The following DPP9 variants were observed in gnomAD, a reference collection of about 807,000 sequenced individuals.
DPP9 encodes the protein dipeptidyl peptidase IV-related protein-2.
A neutral mutation model predicts 110.7 loss-of-function variants in DPP9; 50 were observed. The ratio of observed to expected loss-of-function variants is 0.45; its 90% CI spans 0.36 to 0.57. DPP9 has a LOEUF of 0.57. DPP9 is among the 20% of genes least tolerant of loss of function. The pLI is 0.00. For missense variants in DPP9, 1,022 were observed against 1,217.9 expected, an observed-to-expected ratio of 0.84 and a Z score of 2.39; for synonymous variants, 561 against 514.4, an observed-to-expected ratio of 1.09 and a Z score of -1.23.
intron 4 of DPP9, among the ~76,000 whole-genome samples, chr19:4,708,000 T>A (rs946640083): frequency 6.6e-6 from 1 of 152,146 alleles, no homozygotes; most frequent in Non-Finnish European, 1.5e-5. Flanking sequence ...ATTAGTAATA[T>A]CTGTGCCATT....
chr19:4,679,410 A>G, intron 21 of DPP9: 1 of 215,422 alleles, frequency 4.6e-6, no homozygotes. Context: ...AGCACCCTTC[A>G]CTGCTGCCTC....
intron 3 of DPP9, chr19:4,719,431 G>A (rs2109069): frequency 0.27 from 45,611 of 168,646 alleles, 6,524 homozygotes; most frequent in Non-Finnish European, 0.31. Context: ...GGGGAGTGGA[G>A]CCCCAGTCTC....
In DPP9 at chr19:4,704,014, G is replaced by A. The variant is rs2092446218; in HGVS notation, c.641C>T (p.Ser214Leu). The change falls in exon 7 of 22, where the codon TCA becomes TTA. Residue 214 changes from serine to leucine, a missense_variant. By Grantham distance (145) the Ser-to-Leu change is moderately radical (BLOSUM62 -2). Around this residue, in one of 3 missense-constraint regions of DPP9, gnomAD observed 810 missense variants for 920.6 expected, o/e 0.88. Coordinates refer to ENST00000262960, the MANE Select transcript of DPP9 (RefSeq NM_139159.5). The surrounding 1 kb of genome is among the most constrained non-coding windows in gnomAD (Gnocchi z 6.0). ...MKPLEIKTQC[S>L]GPRMDPKICP... The stretch of plus-strand genomic sequence containing the variant: ...GATTTTGGGGTCCATCCGGGGCCCT[G>A]AGCACTGGGTCTTGATTTCCAGCGG... 5 of 1,614,024 alleles carry A rather than the reference G, an allele frequency of 3.1e-6. No homozygotes were observed. In the East Asian group the frequency reaches 8.9e-5, roughly 29 times the overall value.
At position 4,703,913 on chromosome 19, in the gene DPP9, C is replaced by T. The variant is rs748594482; in HGVS notation, c.742G>A (p.Glu248Lys). The change falls in exon 7 of 22, where the codon GAG (glutamate) becomes AAG (lysine). Residue 248 changes from glutamate to lysine, a missense_variant. Around this residue, in one of 3 missense-constraint regions of DPP9, gnomAD observed 810 missense variants for 920.6 expected, o/e 0.88. Transcript: ENST00000262960. ...TGGTGGCAGAAGGTCAGCCGCCGCT[C>T]CTCGCCTGTCTCGATGTTGGCCACC... ...LWVANIETGE[E>K]RRLTFCHQGL... 1 of 1,610,834 alleles carries T rather than the reference C, an allele frequency of 6.2e-7. No individual in the cohort carries two copies. Among genetic ancestry groups the T allele is most frequent in the Non-Finnish European group, 8.5e-7 (1 of 1,178,666 alleles).
chr19:4,696,335 C>T (rs985132632), intron 11 of DPP9, among the ~76,000 whole-genome samples: 1 of 152,080 alleles, frequency 6.6e-6, no homozygotes, highest in African/African-American at 2.4e-5. Context: ...AAAATACTAA[C>T]TAGAGTGGGT....
chr19:4,679,108 C>A (rs536221193), intron 21 of DPP9, among the ~76,000 whole-genome samples: 1 of 151,548 alleles, frequency 6.6e-6, no homozygotes, highest in African/African-American at 2.4e-5. Context: ...CCCTCCTCAC[C>A]GCTGAGGCGC....
At chr19:4,702,255 A>T in intron 8 of DPP9, 100 bp from the exon 9 acceptor site, 1 of 1,442,600 alleles carries the variant, frequency 6.9e-7, no homozygotes, top group Non-Finnish European at 9.2e-7. Flanking sequence ...GAAGATGGGC[A>T]CCGAGGGCTC....
Position 4,714,323 on chromosome 19 carries a change from G to A in DPP9, c.71C>T (p.Ser24Phe). The change falls in exon 4 of 22, where the codon TCC becomes TTC. Residue 24 changes from serine to phenylalanine, a missense_variant. Ser to Phe is a radical substitution (Grantham distance 155). Coordinates refer to ENST00000262960, the MANE Select transcript of DPP9 (RefSeq NM_139159.5). ...GGTGGCCATCCTCTCAGCCCCCTCG[G>A]AATTCAGCGAGAAGCTGCGGGGAGG... ...TGSWRSFSLNSEGAERMATTG... is the reference protein window; with the variant it reads ...TGSWRSFSLNFEGAERMATTG... 1.3e-6 allele frequency: 2 copies of A among 1,505,836 alleles called. No individual in the cohort carries two copies. The highest frequency in any genetic ancestry group is 2.4e-5 in the South Asian group (2 of 82,006). The allele number at this position is 1,505,836 out of a possible 1,614,324, so 93.3% of individuals were successfully genotyped here.
chr19:4,697,629 T>A lies in DPP9; in HGVS notation c.1097A>T (p.Glu366Val). 6.2e-7 allele frequency: 1 copy of A among 1,613,882 alleles called. No individual in the cohort carries two copies. The highest frequency in any genetic ancestry group is 8.5e-7 in the Non-Finnish European group (1 of 1,179,854). ...CAGCGAGCTGAAGGGCTGCACCAGC[T>A]CCTTCTCCTGGGTCGAGACGATCTG... ...QGKIVSTQEK[E>V]LVQPFSSLFP... Residue 366 changes from glutamate to valine, a missense_variant, in exon 11 of 22, where the codon GAG becomes GTG. Around this residue, in one of 3 missense-constraint regions of DPP9, gnomAD observed 810 missense variants for 920.6 expected, o/e 0.88. Transcript: ENST00000262960.
At position 4,702,578 on chromosome 19, in the gene DPP9, A is replaced by G. The variant is rs766694226; in HGVS notation, c.883+25T>C. ...CAGGAGGAAAAGCACGCCCGGGAGCATGTTGAAAAATGGAAGGGACCTACC... is the reference window on the plus strand; with the variant it reads ...CAGGAGGAAAAGCACGCCCGGGAGCGTGTTGAAAAATGGAAGGGACCTACC... On this transcript the variant is annotated intron_variant, in intron 8 of 21. Transcript: ENST00000262960. The G allele has an allele frequency of 2.6e-6, 4 of 1,541,400 alleles. No individual in the cohort carries two copies. In the South Asian group the frequency reaches 3.5e-5, roughly 14 times the overall value.
Position 4,718,273 on chromosome 19 carries a change from G to A in DPP9, c.56+1578C>T, listed in dbSNP as rs980155954. ...AGCTGGTGCTTTGGTGGCGAGCGGG[G>A]GCGGGGGAGTAGTTGGAGATGGGGG... is the stretch of plus-strand genomic sequence containing the variant. On this transcript the variant is annotated intron_variant, in intron 3 of 21. Transcript: ENST00000262960. This position sits in a 1 kb window ranked among gnomAD's most constrained non-coding sequence, Gnocchi z 4.3. Among the ~76,000 whole-genome samples the A allele has an allele frequency of 5.3e-5, 8 of 152,162 alleles. No homozygotes were observed. Among genetic ancestry groups the A allele is most frequent in the African/African-American group, 1.9e-4 (8 of 41,448 alleles).
At position 4,695,052 on chromosome 19, in the gene DPP9, G is replaced by C; in HGVS notation, c.1354-229C>G. On this transcript the variant is annotated intron_variant, in intron 12 of 21. Transcript: ENST00000262960. This position sits in a 1 kb window ranked among gnomAD's most constrained non-coding sequence, Gnocchi z 4.7. ...TGTGGTCCTAGCTACTCTGGAGGCT[G>C]AGGTGGGAGGATCACTTAGGCCCAG... 1 of 600,498 alleles carries C rather than the reference G, an allele frequency of 1.7e-6. No individual in the cohort carries two copies. Among genetic ancestry groups the C allele is most frequent in the Non-Finnish European group, 2.9e-6 (1 of 341,626 alleles). The allele number at this position is 600,498 out of a possible 1,614,324, so 37.2% of individuals were successfully genotyped here. A position where few individuals can be genotyped will look rare whatever the true frequency, so the allele number is the denominator to read the frequency against.
At chr19:4,678,113 C>CTT (rs998983513) in intron 21 of DPP9, among the ~76,000 whole-genome samples, 1 of 147,016 alleles carries the variant, frequency 6.8e-6, no homozygotes. Flanking sequence ...TCTTTCTTTT[C>CTT]TTTTTTTTTT....
chr19:4,707,882 T>G (rs1413014044), intron 4 of DPP9, among the ~76,000 whole-genome samples: 1 of 152,108 alleles, frequency 6.6e-6, no homozygotes, highest in East Asian at 1.9e-4. Context: ...CACCTTGGCC[T>G]CCCAAAATGC....
chr19:4,704,326 G>A lies in DPP9; in HGVS notation c.427-22C>T, dbSNP rs774429169. Reference sequence around the variant, plus strand: ...TGGCCTGGAAACATACAGGGGACAGGGGGCAGCGTCAGTGGGCAAAGAGGA... The same window carrying A: ...TGGCCTGGAAACATACAGGGGACAGAGGGCAGCGTCAGTGGGCAAAGAGGA... On this transcript the variant is annotated intron_variant, in intron 5 of 21. Transcript: ENST00000262960. This position sits in a 1 kb window ranked among gnomAD's most constrained non-coding sequence, Gnocchi z 6.0. The A allele has an allele frequency of 1.1e-5, 17 of 1,594,820 alleles. No individual in the cohort carries two copies. Among genetic ancestry groups the A allele is most frequent in the Non-Finnish European group, 1.4e-5 (16 of 1,168,884 alleles).
intron 3 of DPP9, chr19:4,717,773 C>T (rs551964312): frequency 6.6e-6 from 1 of 152,364 alleles, no homozygotes; most frequent in East Asian, 1.9e-4. Flanking sequence ...GAGCCTGGCC[C>T]TCCGCTGACC....
chr19:4,680,277 C>T (rs939654816), intron 20 of DPP9, among the ~76,000 whole-genome samples: 13 of 148,586 alleles, frequency 8.7e-5, no homozygotes, highest in Non-Finnish European at 4.4e-5. Context: ...TGTAGTGGTG[C>T]GCCTGTAAGT....
intron 10 of DPP9, among the ~76,000 whole-genome samples, chr19:4,699,973 C>A (rs751330889): frequency 2.0e-5 from 3 of 152,220 alleles, no homozygotes; most frequent in African/African-American, 4.8e-5. Flanking sequence ...CTTACCGCGG[C>A]GTGGCCTCCA....
Position 4,700,367 on chromosome 19 carries a change from TC to T in DPP9, c.1013-91del. ...GGGGGGCCTGGGCTGTGGGGTGACG[TC>T]CACAGAGAGGTGTACAATTGGAGTG... On this transcript the variant is annotated intron_variant, in intron 9 of 21. Transcript: ENST00000262960. This position sits in a 1 kb window ranked among gnomAD's most constrained non-coding sequence, Gnocchi z 4.3. 1 of 1,063,296 alleles carries T rather than the reference TC, an allele frequency of 9.4e-7. No homozygotes were observed. Among genetic ancestry groups the T allele is most frequent in the Non-Finnish European group, 1.3e-6 (1 of 743,560 alleles). The allele number at this position is 1,063,296 out of a possible 1,614,324, so 65.9% of individuals were successfully genotyped here. A position where few individuals can be genotyped will look rare whatever the true frequency, so the allele number is the denominator to read the frequency against.
Sources: allele counts gnomAD v4.1 joint callset (sites outside exome capture counted in the v4.1 genomes callset), GRCh38; gene constraint gnomAD v4.1.1; regional missense constraint gnomAD v4.1.1; non-coding constraint Gnocchi (gnomAD v3.1); transcripts MANE v1.5; gene names NCBI Gene and HGNC (gene_info 2026-07-23, HGNC 2026-07-21).